The following COX7A2L variants were observed in gnomAD, a reference collection of about 807,000 sequenced individuals.
COX7A2L encodes the protein cytochrome c oxidase subunit 7A2 like, also known as cytochrome c oxidase subunit 7A2-like, mitochondrial.
COX7A2L carries 18 observed loss-of-function variants against 14.2 expected under a neutral mutation model. The observed-to-expected ratio is 1.27, with a 90% confidence interval of 0.88 to 1.88. COX7A2L has a LOEUF of 1.88. Ranked by LOEUF, COX7A2L falls within the 40% of genes most tolerant of loss-of-function variation. The probability of loss-of-function intolerance (pLI) is 0.00; values close to 1 mark genes in which losing one functional copy is unlikely to be tolerated. For missense variants in COX7A2L, 179 were observed against 138.8 expected (o/e 1.29, Z -1.46); for synonymous variants, 65 against 57.4 (o/e 1.13, Z -0.60).
chr2:42,361,259 AC>A (rs937591832), upstream of COX7A2L: 1 of 1,180,694 alleles, frequency 8.5e-7, no homozygotes, highest in African/African-American at 1.5e-5. Context: ...CAGCGCAAGG[AC>A]CCGGTGCTGG....
chr2:42,356,807 T>C (rs1235899872), intron 1 of COX7A2L, among the ~76,000 whole-genome samples: 1 of 152,172 alleles, frequency 6.6e-6, no homozygotes, highest in East Asian at 1.9e-4. Context: ...ACACCTGTGG[T>C]CCCAGCTACT....
chr2:42,359,832 C>T (rs1670960046), intron 1 of COX7A2L: 1 of 148,144 alleles, frequency 6.8e-6, no homozygotes, highest in East Asian at 2.1e-4. Context: ...CACCGCAACT[C>T]CCCCACTAAC....
intron 2 of COX7A2L, chr2:42,352,904 A>T: frequency 2.3e-6 from 1 of 427,494 alleles, no homozygotes; most frequent in Non-Finnish European, 4.1e-6. Context: ...TCATTCAGTT[A>T]TACAGGCTAC....
upstream of COX7A2L, chr2:42,361,246 A>G: frequency 4.5e-6 from 6 of 1,328,110 alleles, no homozygotes; most frequent in Non-Finnish European, 6.3e-6. Flanking sequence ...TGGTCCCGAG[A>G]CTCAGCGCAA....
intron 2 of COX7A2L, among the ~76,000 whole-genome samples, chr2:42,340,208 A>C (rs1454333076): frequency 3.3e-5 from 5 of 152,010 alleles, no homozygotes. Flanking sequence ...CCAGAAGCCA[A>C]GCTGCACCAT....
downstream of COX7A2L, among the ~76,000 whole-genome samples, chr2:42,348,893 G>A (rs1670553707): frequency 6.6e-6 from 1 of 152,058 alleles, no homozygotes; most frequent in East Asian, 1.9e-4. Flanking sequence ...TCTCCAGCCT[G>A]GAGACAGAGC....
At chr2:42,340,103 T>TCCTCACCTAGAAGACCTAGAAGA (rs1385786749) in intron 2 of COX7A2L, among the ~76,000 whole-genome samples, 1 of 152,138 alleles carries the variant, frequency 6.6e-6, no homozygotes, top group Non-Finnish European at 1.5e-5. Flanking sequence ...CTTATGGGAT[T>TCCTCACCTAGAAGACCTAGAAGA]CCTCACCTAG....
At chr2:42,357,849 G>C (rs186082284) in intron 1 of COX7A2L, among the ~76,000 whole-genome samples, 1 of 152,020 alleles carries the variant, frequency 6.6e-6, no homozygotes, top group Non-Finnish European at 1.5e-5. Context: ...CTTCCTACTA[G>C]TGCCTCACAA....
chr2:42,358,395 A>T (rs1012408000), intron 1 of COX7A2L, among the ~76,000 whole-genome samples: 1 of 152,256 alleles, frequency 6.6e-6, no homozygotes, highest in African/African-American at 2.4e-5. Context: ...CAATTGTTAC[A>T]GAACCACCTT....
chr2:42,355,717 C>CTTTTTTTTTTTTTTTT (rs386390054), intron 1 of COX7A2L, among the ~76,000 whole-genome samples: 8 of 69,050 alleles, frequency 1.2e-4, no homozygotes, highest in African/African-American at 4.7e-4. Flanking sequence ...ATCCTACGTT[C>CTTTTTTTTTTTTTTTT]TTTTTTTTTT....
At chr2:42,367,321 A>G (rs968838276) in intron 1 of COX7A2L, among the ~76,000 whole-genome samples, 1 of 152,206 alleles carries the variant, frequency 6.6e-6, no homozygotes, top group African/African-American at 2.4e-5. Context: ...TCTAAATCAG[A>G]GGATTAGCCA....
chr2:42,358,548 G>C lies in COX7A2L; in HGVS notation c.72+2542C>G, dbSNP rs549107876. On this transcript the variant is annotated intron_variant, in intron 1 of 2. Coordinates refer to ENST00000234301, the MANE Select transcript of COX7A2L (RefSeq NM_004718.4). Reference sequence around the variant, plus strand: ...CAAAGTCAGAGCACCTAGTTGGGAGGGCACCTGTCACAATCACTCAGAAAT... The same window carrying C: ...CAAAGTCAGAGCACCTAGTTGGGAGCGCACCTGTCACAATCACTCAGAAAT... Among the ~76,000 whole-genome samples, 5 of 152,266 alleles carry C rather than the reference G, an allele frequency of 3.3e-5. No individual in the cohort carries two copies. The South Asian group carries it at 1.0e-3, about 32-fold the overall frequency.
At chr2:42,343,061 C>G in intron 2 of COX7A2L, among the ~76,000 whole-genome samples, 1 of 152,320 alleles carries the variant, frequency 6.6e-6, no homozygotes, top group South Asian at 2.1e-4. Flanking sequence ...TCACTGCTCT[C>G]GTTCACGTCA....
rs367820759 is a variant in COX7A2L at position 42,342,070 on chromosome 2, G to A, written c.193-8201C>T. 3.9e-4 allele frequency among the ~76,000 whole-genome samples: 60 copies of A among 152,310 alleles called. No homozygotes were observed. The highest frequency in any genetic ancestry group is 1.4e-3 in the African/African-American group (59 of 41,572). On this transcript the variant is annotated intron_variant, in intron 2 of 2. Coordinates refer to the COX7A2L transcript ENST00000468711. The surrounding 1 kb of genome is among the most constrained non-coding windows in gnomAD (Gnocchi z 4.9). ...CTCCCAGGTATGAACTGATTCTAGAGCATCTGACCTTCCCCACCCTCTCTA... is the reference window on the plus strand; with the variant it reads ...CTCCCAGGTATGAACTGATTCTAGAACATCTGACCTTCCCCACCCTCTCTA...
At chr2:42,361,965 G>A (rs1383454554), upstream of COX7A2L, 1 of 152,242 alleles carries the variant, frequency 6.6e-6, no homozygotes, top group Non-Finnish European at 1.5e-5. Context: ...GCTTTGTGCA[G>A]AGGAAATACA....
intron 1 of COX7A2L, among the ~76,000 whole-genome samples, chr2:42,368,212 TC>T (rs1399949680): frequency 6.6e-6 from 1 of 152,228 alleles, no homozygotes; most frequent in Non-Finnish European, 1.5e-5. Flanking sequence ...AGATGTGTTT[TC>T]TTTTTTTTAT....
intron 1 of COX7A2L, chr2:42,359,717 G>A (rs146874390): frequency 4.6e-5 from 7 of 151,816 alleles, no homozygotes; most frequent in Non-Finnish European, 8.8e-5. Flanking sequence ...ATGGGCTGAA[G>A]ACACCCAAGT....
At chr2:42,341,479 T>C (rs1670403859) in intron 2 of COX7A2L, among the ~76,000 whole-genome samples, 2 of 152,128 alleles carry the variant, frequency 1.3e-5, no homozygotes, top group Non-Finnish European at 1.5e-5. Context: ...CCCACAGCCA[T>C]GGGATTGCTT....
At chr2:42,335,572 C>CTTTA (rs1430303660) in intron 2 of COX7A2L, among the ~76,000 whole-genome samples, 1 of 152,156 alleles carries the variant, frequency 6.6e-6, no homozygotes, top group Non-Finnish European at 1.5e-5. Flanking sequence ...ATGTGTTTAA[C>CTTTA]ATGTATTAAC....
Sources: allele counts gnomAD v4.1 joint callset (sites outside exome capture counted in the v4.1 genomes callset), GRCh38; gene constraint gnomAD v4.1.1; non-coding constraint Gnocchi (gnomAD v3.1); transcripts MANE v1.5; gene names NCBI Gene and HGNC (gene_info 2026-07-23, HGNC 2026-07-21).